FER1L6: variants seen among roughly 807,000 people sequenced by gnomAD.
The protein encoded by FER1L6 is fer-1-like protein 6.
A neutral mutation model predicts 219.2 loss-of-function variants in FER1L6; 177 were observed. The ratio of observed to expected loss-of-function variants is 0.81; its 90% confidence interval spans 0.71 to 0.91. The LOEUF (loss-of-function observed/expected upper bound fraction) is 0.91, where lower values mean the gene tolerates loss of function less well. Ranked by LOEUF, FER1L6 falls within the 40% of genes least tolerant of loss-of-function variation. FER1L6 has a pLI of 0.00. For missense variants in FER1L6, 2,153 were observed against 2,259.9 expected, an observed-to-expected ratio of 0.95 and a Z score of 0.96; for synonymous variants, 768 against 824.3, an observed-to-expected ratio of 0.93 and a Z score of 1.17.
chr8:124,029,328 G>T (rs1170922826), intron 18 of FER1L6, among the ~76,000 whole-genome samples: 1 of 152,110 alleles, frequency 6.6e-6, no homozygotes. Context: ...TGGTATTTCT[G>T]GTTCTAGATC....
At position 124,111,716 on chromosome 8, in the gene FER1L6, G is replaced by A. The variant is rs1434915688; in HGVS notation, c.5290-7128G>A. Among the ~76,000 whole-genome samples the A allele has an allele frequency of 6.6e-6, 1 of 152,098 alleles. No individual in the cohort carries two copies. Among genetic ancestry groups the A allele is most frequent in the Non-Finnish European group, 1.5e-5 (1 of 68,020 alleles). On this transcript the variant is annotated intron_variant, in intron 39 of 40. Transcript: ENST00000522917. The surrounding 1 kb of genome is among the most constrained non-coding windows in gnomAD (Gnocchi z 5.0). ...AAACTATCATGGCACTCGCCGGTGG[G>A]AGTGTAGCAGTGAGGATGACCAGAG...
At chr8:123,961,339 C>T (rs1161767391) in intron 2 of FER1L6, among the ~76,000 whole-genome samples, 1 of 152,186 alleles carries the variant, frequency 6.6e-6, no homozygotes, top group Non-Finnish European at 1.5e-5. Context: ...ATTTTAGCAG[C>T]TTCCTAGGTG....
intron 38 of FER1L6, 151 bp downstream of exon 38, chr8:124,101,489 G>C: frequency 1.5e-6 from 1 of 668,722 alleles, no homozygotes. Context: ...CCATTAATAG[G>C]GAATGGTTAA....
chr8:124,048,614 C>T (rs1819842927), intron 21 of FER1L6, among the ~76,000 whole-genome samples: 1 of 152,244 alleles, frequency 6.6e-6, no homozygotes, highest in Non-Finnish European at 1.5e-5. Context: ...ACTGCCCCAT[C>T]ACTTAGACAT....
intron 1 of FER1L6, among the ~76,000 whole-genome samples, chr8:123,953,805 AG>A (rs1814888909): frequency 6.6e-6 from 1 of 152,198 alleles, no homozygotes; most frequent in African/African-American, 2.4e-5. Context: ...TGCTCATGGC[AG>A]GGGGCACCTG....
At chr8:123,975,474 T>A (rs1186492423) in intron 8 of FER1L6, among the ~76,000 whole-genome samples, 168 bp downstream of exon 8, 1 of 152,210 alleles carries the variant, frequency 6.6e-6, no homozygotes, top group Non-Finnish European at 1.5e-5. Flanking sequence ...TATTAAGGTA[T>A]GACTCTCCTT....
In FER1L6 at chr8:123,975,148, A is replaced by G. The variant is rs917299491; in HGVS notation, c.527-2A>G. On this transcript the variant is annotated splice_acceptor_variant, in intron 7 of 40. Transcript: ENST00000522917. LOFTEE classifies it high-confidence loss of function. Reference sequence around the variant, plus strand: ...ATGTGAGCTGTCAGGGTGCTTTCACAGGTCATCAGTTCTGCAACAAGTGGG... The same window carrying G: ...ATGTGAGCTGTCAGGGTGCTTTCACGGGTCATCAGTTCTGCAACAAGTGGG... 1 of 1,586,728 alleles carries G rather than the reference A, an allele frequency of 6.3e-7. No homozygotes were observed. The highest frequency in any genetic ancestry group is 1.3e-5 in the African/African-American group (1 of 74,104).
At chr8:123,856,600 G>A (rs1586422330) in intron 1 of FER1L6, among the ~76,000 whole-genome samples, 1 of 151,592 alleles carries the variant, frequency 6.6e-6, no homozygotes, top group East Asian at 1.9e-4. Context: ...TAGCATTCCT[G>A]TTGAATGCTT....
At chr8:123,897,293 AT>A (rs1444518758) in intron 1 of FER1L6, among the ~76,000 whole-genome samples, 2 of 152,032 alleles carry the variant, frequency 1.3e-5, no homozygotes, top group African/African-American at 4.8e-5. Flanking sequence ...CCTGTTCTAC[AT>A]TCCCCCAACA....
At chr8:123,919,629 T>A (rs769879438) in intron 1 of FER1L6, among the ~76,000 whole-genome samples, 15 of 152,214 alleles carry the variant, frequency 9.9e-5, no homozygotes. Flanking sequence ...CAGTGCAAAA[T>A]GGAAACGTAG....
intron 1 of FER1L6, among the ~76,000 whole-genome samples, chr8:123,866,273 A>AT (rs1816836891): frequency 6.6e-6 from 1 of 150,604 alleles, no homozygotes; most frequent in Admixed American, 6.6e-5. Context: ...GCATTTCCTT[A>AT]TTTTTTTAAG....
At chr8:123,862,599 C>A (rs1205043799) in intron 1 of FER1L6, among the ~76,000 whole-genome samples, 1 of 144,600 alleles carries the variant, frequency 6.9e-6, no homozygotes, top group Non-Finnish European at 1.5e-5. Flanking sequence ...GCTGTGAATC[C>A]ATCTGGTCCT....
At chr8:124,020,040 G>T (rs543724168) in intron 16 of FER1L6, among the ~76,000 whole-genome samples, 5 of 152,266 alleles carry the variant, frequency 3.3e-5, no homozygotes, top group African/African-American at 1.2e-4. Context: ...GGAGGGATCT[G>T]CTGGGAGGTA....
At chr8:123,968,373 T>A (rs1815652713) in intron 5 of FER1L6, among the ~76,000 whole-genome samples, 1 of 152,146 alleles carries the variant, frequency 6.6e-6, no homozygotes, top group Non-Finnish European at 1.5e-5. Flanking sequence ...GACCTAAATA[T>A]TCAAGCCTAA....
rs138628504 is a variant in FER1L6, at chr8:123,977,188, A to T, written c.871-229A>T. On this transcript the variant is annotated intron_variant, in intron 9 of 40. Coordinates refer to ENST00000522917, the MANE Select transcript of FER1L6 (RefSeq NM_001039112.2). ...TCCCATTCCCCAATATGCTGATCAG[A>T]ACTTCCTGAGGGCGGGGCTGTGATG... Among the ~76,000 whole-genome samples, 9 of 152,294 alleles carry T rather than the reference A, an allele frequency of 5.9e-5. No individual in the cohort carries two copies. The East Asian group carries it at 1.7e-3, about 29-fold the overall frequency.
In FER1L6 at chr8:124,101,154, G is replaced by C. The variant is rs200183272; in HGVS notation, c.4941G>C (p.Leu1647=). 362 of 1,613,842 alleles carry C rather than the reference G, an allele frequency of 2.2e-4. 2 individuals carry two copies. The African/African-American group carries it at 4.2e-3, about 19-fold the overall frequency. Residue 1647 remains leucine (L), a synonymous_variant, in exon 38 of 41, where the codon CTG becomes CTC. Coordinates refer to ENST00000522917, the MANE Select transcript of FER1L6 (RefSeq NM_001039112.2). The part of the protein sequence containing the change: ...KQETDVHYNS[L]TGEGNFNWRF... ...AGACAGATGTGCATTACAACTCCCT[G>C]ACTGGAGAGGGCAACTTCAACTGGC...
intron 32 of FER1L6, among the ~76,000 whole-genome samples, chr8:124,077,898 G>C (rs1258347298): frequency 6.6e-6 from 1 of 152,114 alleles, no homozygotes; most frequent in Admixed American, 6.5e-5. Context: ...CTTGAGCCAG[G>C]GTCTGCGGAA....
intron 26 of FER1L6, 115 bp downstream of exon 26, chr8:124,064,688 G>C (rs1820748107): frequency 1.2e-6 from 1 of 861,730 alleles, no homozygotes; most frequent in East Asian, 2.7e-5. Flanking sequence ...TCACATTTCT[G>C]AGTATCGGTT....
At chr8:124,017,552 A>T in intron 15 of FER1L6, 76 bp from the exon 16 acceptor site, 1 of 1,160,906 alleles carries the variant, frequency 8.6e-7, no homozygotes, top group Non-Finnish European at 1.3e-6. Flanking sequence ...TGCAGAAACA[A>T]TATTTGCAAA....
Sources: allele counts gnomAD v4.1 joint callset (sites outside exome capture counted in the v4.1 genomes callset), GRCh38; gene constraint gnomAD v4.1.1; non-coding constraint Gnocchi (gnomAD v3.1); transcripts MANE v1.5; gene names NCBI Gene and HGNC (gene_info 2026-07-23, HGNC 2026-07-21).